Variants in CADPS2 observed in about 807,000 individuals in gnomAD.
CADPS2 encodes calcium-dependent secretion activator 2.
A neutral mutation model predicts 172.5 loss-of-function variants in CADPS2; 93 were observed. The ratio of observed to expected loss-of-function variants is 0.54; its 90% CI spans 0.46 to 0.64. The LOEUF is 0.64. Among genes scored for constraint, CADPS2 ranks in the 30% least tolerant of loss-of-function variants. The pLI is 0.00. For synonymous variants in CADPS2, 546 were observed against 555.2 expected (o/e 0.98, Z 0.23); for missense variants, 1,420 against 1,565.9 (o/e 0.91, Z 1.57).
At chr7:122,845,421 T>C (rs1193805571) in intron 1 of CADPS2, among the ~76,000 whole-genome samples, 1 of 152,200 alleles carries the variant, frequency 6.6e-6, no homozygotes, top group African/African-American at 2.4e-5. Flanking sequence ...AAGCCAGAGT[T>C]GGATGCTCTC....
At chr7:122,328,120 C>T (rs1392201297) in intron 28 of CADPS2, among the ~76,000 whole-genome samples, 1 of 118,564 alleles carries the variant, frequency 8.4e-6, no homozygotes, top group South Asian at 3.2e-4. Flanking sequence ...TTCTTGTATA[C>T]AGTAAAATGC....
chr7:122,854,946 A>T (rs1217146250), intron 1 of CADPS2, among the ~76,000 whole-genome samples: 1 of 152,224 alleles, frequency 6.6e-6, no homozygotes, highest in Non-Finnish European at 1.5e-5. Flanking sequence ...AAATTAGATA[A>T]TGTTTACTGA....
intron 10 of CADPS2, 112 bp from the exon 11 acceptor site, chr7:122,490,393 G>A (rs1159819785): frequency 2.7e-6 from 2 of 751,014 alleles, no homozygotes; most frequent in Non-Finnish European, 4.4e-6. Flanking sequence ...GCAGTTAAAT[G>A]TTTTAAAGAA....
At chr7:122,567,519 T>C (rs1319126672) in intron 7 of CADPS2, among the ~76,000 whole-genome samples, 4 of 152,170 alleles carry the variant, frequency 2.6e-5, no homozygotes, top group South Asian at 2.1e-4. Flanking sequence ...AAAGCAACAA[T>C]TGTTAAATAA....
chr7:122,747,281 A>G (rs1047845193), intron 1 of CADPS2, among the ~76,000 whole-genome samples: 1 of 152,128 alleles, frequency 6.6e-6, no homozygotes, highest in Non-Finnish European at 1.5e-5. Context: ...GACATGTGCT[A>G]TGGAAAAAAG....
At chr7:122,407,770 G>A in intron 19 of CADPS2, 74 bp from the exon 20 acceptor site, 3 of 1,337,490 alleles carry the variant, frequency 2.2e-6, no homozygotes, top group Non-Finnish European at 3.1e-6. Flanking sequence ...TGTGCCAGTT[G>A]AAAATATTTT....
intron 28 of CADPS2, among the ~76,000 whole-genome samples, chr7:122,326,702 T>C (rs1165186332): frequency 9.9e-5 from 15 of 152,008 alleles, no homozygotes; most frequent in Non-Finnish European, 2.2e-4. Context: ...TTTCTCTACA[T>C]AATAAAACCA....
intron 14 of CADPS2, among the ~76,000 whole-genome samples, chr7:122,456,520 T>C (rs946337792): frequency 8.5e-5 from 13 of 152,170 alleles, no homozygotes; most frequent in Admixed American, 2.6e-4. Context: ...TTAAAATAGA[T>C]ACACTTCTTT....
rs1035785112 is a variant in CADPS2 at position 122,379,433 on chromosome 7, G to A, written c.3322C>T (p.His1108Tyr). The A allele has an allele frequency of 7.5e-6, 12 of 1,599,780 alleles. No homozygotes were observed. Among genetic ancestry groups the A allele is most frequent in the Admixed American group, 1.7e-5 (1 of 59,306 alleles). Reference protein sequence around the residue: ...ALDGGQEQQYHSKIDDLIDNS... With the variant: ...ALDGGQEQQYYSKIDDLIDNS... The stretch of plus-strand genomic sequence containing the variant: ...TCGATCAGATCATCTATTTTTGAAT[G>A]GTACTGTTGCTAGATATTAAAAGAT... The change falls in exon 25 of 30, where the codon CAT (histidine) becomes TAT (tyrosine). Residue 1108 changes from histidine (H) to tyrosine (Y), a missense_variant. Coordinates refer to ENST00000449022, the MANE Select transcript of CADPS2 (RefSeq NM_017954.11).
chr7:122,466,460 C>T (rs6959220), intron 14 of CADPS2, among the ~76,000 whole-genome samples: 9,671 of 152,160 alleles, frequency 0.064, 570 homozygotes, highest in African/African-American at 0.15. Flanking sequence ...GGGGAGGTCC[C>T]AGAACTTCAG....
rs2090677831 is a variant in CADPS2, at chr7:122,723,238, C to T, written c.453+13717G>A. 2.0e-5 allele frequency among the ~76,000 whole-genome samples: 3 copies of T among 152,074 alleles called. No individual in the cohort carries two copies. The South Asian group carries it at 6.2e-4, about 32-fold the overall frequency. The stretch of plus-strand genomic sequence containing the variant: ...TGAAAGAAACTACCATCAGAGTGAA[C>T]AGGCAACCTACAGAATGGGAGAACA... On this transcript the variant is annotated intron_variant, in intron 2 of 29. Coordinates refer to ENST00000449022, the MANE Select transcript of CADPS2 (RefSeq NM_017954.11).
intron 6 of CADPS2, among the ~76,000 whole-genome samples, chr7:122,605,327 C>T (rs1170427855): frequency 1.3e-5 from 2 of 151,974 alleles, no homozygotes; most frequent in South Asian, 2.1e-4. Flanking sequence ...AACTGTACTA[C>T]GATGTTACGA....
At chr7:122,541,831 TCATATGTTTATATATTCATATATATTTA>T (rs2063087785) in intron 8 of CADPS2, among the ~76,000 whole-genome samples, 1 of 108,226 alleles carries the variant, frequency 9.2e-6, no homozygotes, top group Non-Finnish European at 1.9e-5. Flanking sequence ...GTTTATATAT[TCATATGTTTATATATTCATATATATTTA>T]TATATATGCA....
rs746605929 is a variant in CADPS2, at chr7:122,788,087, C to T, written c.340-51019G>A. 2.6e-5 allele frequency among the ~76,000 whole-genome samples: 4 copies of T among 152,244 alleles called. No individual in the cohort carries two copies. In the South Asian group the frequency reaches 6.2e-4, roughly 24 times the overall value. On this transcript the variant is annotated intron_variant, in intron 1 of 29. Coordinates refer to ENST00000449022, the MANE Select transcript of CADPS2 (RefSeq NM_017954.11). ...CTCAGACAAAGAATGTAAAAATCTG[C>T]CCAGCCATCAGGCTGGAGAATAACA...
chr7:122,544,510 G>A (rs2063425974), intron 8 of CADPS2, among the ~76,000 whole-genome samples: 1 of 152,134 alleles, frequency 6.6e-6, no homozygotes, highest in Non-Finnish European at 1.5e-5. Context: ...GGCAGGCCAT[G>A]ACCAACTCGT....
intron 20 of CADPS2, among the ~76,000 whole-genome samples, chr7:122,402,410 C>T (rs1389282266): frequency 6.6e-6 from 1 of 152,176 alleles, no homozygotes; most frequent in Non-Finnish European, 1.5e-5. Flanking sequence ...AAGCCCCCCG[C>T]CCGAGTTCCT....
intron 1 of CADPS2, among the ~76,000 whole-genome samples, chr7:122,741,516 A>G (rs1164558776): frequency 6.6e-6 from 1 of 152,194 alleles, no homozygotes; most frequent in Non-Finnish European, 1.5e-5. Context: ...CGGAGACTGG[A>G]CAGCACACCA....
chr7:122,548,648 A>G (rs1192993002), intron 8 of CADPS2, among the ~76,000 whole-genome samples: 1 of 152,200 alleles, frequency 6.6e-6, no homozygotes, highest in African/African-American at 2.4e-5. Context: ...TACAATGAGC[A>G]CCACCAGTTA....
intron 2 of CADPS2, among the ~76,000 whole-genome samples, chr7:122,690,629 T>C (rs150223054): frequency 6.6e-6 from 1 of 152,286 alleles, no homozygotes; most frequent in East Asian, 1.9e-4. Flanking sequence ...TTGGAGAAGG[T>C]CATCCTTCCT....
Sources: gnomAD v4.1 joint callset for allele counts (sites outside exome capture counted in the v4.1 genomes callset) on GRCh38, gnomAD v4.1.1 for gene constraint, MANE v1.5 for transcripts, NCBI Gene and HGNC (gene_info 2026-07-23, HGNC 2026-07-21) for gene names.